The following PAX3 variants were observed in gnomAD, a reference collection of about 807,000 sequenced individuals.
PAX3 encodes paired box protein Pax-3.
Under a neutral mutation model 51.6 loss-of-function variants are expected in PAX3, and 14 were observed. The ratio of observed to expected loss-of-function variants is 0.27; its 90% confidence interval spans 0.18 to 0.42. The LOEUF is 0.42. Among genes scored for constraint, PAX3 ranks in the 10% least tolerant of loss-of-function variants. The probability of loss-of-function intolerance (pLI) is 1.00; values close to 1 mark genes in which losing one functional copy is unlikely to be tolerated. For synonymous variants in PAX3, 280 were observed against 253.4 expected (o/e 1.11, Z -1.00); for missense variants, 540 against 642.8 (o/e 0.84, Z 1.73).
At chr2:222,215,460 C>T (rs915279753) in intron 7 of PAX3, among the ~76,000 whole-genome samples, 4 of 151,890 alleles carry the variant, frequency 2.6e-5, no homozygotes, top group African/African-American at 9.7e-5. Context: ...GAAACTGTTA[C>T]CAAAGAACTG....
chr2:222,238,910 G>T (rs1237393276), intron 4 of PAX3, among the ~76,000 whole-genome samples: 1 of 152,160 alleles, frequency 6.6e-6, no homozygotes, highest in Non-Finnish European at 1.5e-5. Flanking sequence ...ATTGCAGAAG[G>T]TCTCCTGCGC....
At chr2:222,278,069 C>G (rs1446666637) in intron 4 of PAX3, among the ~76,000 whole-genome samples, 1 of 151,592 alleles carries the variant, frequency 6.6e-6, no homozygotes, top group East Asian at 1.9e-4. Flanking sequence ...CCAAGGAGCC[C>G]AAAAGATTAG....
intron 4 of PAX3, among the ~76,000 whole-genome samples, chr2:222,259,752 G>T (rs1693773330): frequency 6.6e-6 from 1 of 152,160 alleles, no homozygotes; most frequent in Non-Finnish European, 1.5e-5. Context: ...AACAGACATA[G>T]ATAAGAATTT....
At chr2:222,214,685 T>C (rs1691882906) in intron 7 of PAX3, 1 of 152,036 alleles carries the variant, frequency 6.6e-6, no homozygotes, top group Non-Finnish European at 1.5e-5. Context: ...TGCTGAGTGG[T>C]GGGCAAACAT....
chr2:222,205,236 T>C (rs1175436150), intron 7 of PAX3, among the ~76,000 whole-genome samples: 1 of 152,158 alleles, frequency 6.6e-6, no homozygotes, highest in Non-Finnish European at 1.5e-5. Flanking sequence ...ATTAGGGCAA[T>C]AGAAAGATAG....
At chr2:222,260,561 T>TG in intron 4 of PAX3, among the ~76,000 whole-genome samples, 1 of 64,044 alleles carries the variant, frequency 1.6e-5, no homozygotes, top group African/African-American at 5.4e-5. Context: ...AGTTTTTTTT[T>TG]TTTGTTTTTT....
chr2:222,279,201 G>A (rs1046528617), intron 4 of PAX3, among the ~76,000 whole-genome samples: 11 of 152,262 alleles, frequency 7.2e-5, no homozygotes, highest in East Asian at 3.9e-4. Flanking sequence ...TGATCCGACC[G>A]CCTGGGCCTC....
intron 2 of PAX3, 119 bp downstream of exon 2, chr2:222,296,859 C>T: frequency 4.5e-6 from 4 of 886,834 alleles, no homozygotes; most frequent in Non-Finnish European, 7.2e-6. Context: ...CGCACCTTCA[C>T]AAACCTCAGA....
intron 4 of PAX3, among the ~76,000 whole-genome samples, chr2:222,274,738 A>G (rs1694361780): frequency 6.6e-6 from 1 of 152,200 alleles, no homozygotes; most frequent in Non-Finnish European, 1.5e-5. Context: ...AAATAAGTAG[A>G]GGAAATCAAT....
At chr2:222,232,675 C>T (rs972087744) in intron 4 of PAX3, among the ~76,000 whole-genome samples, 1 of 152,114 alleles carries the variant, frequency 6.6e-6, no homozygotes, top group Non-Finnish European at 1.5e-5. Flanking sequence ...ATGCTTACTA[C>T]TTAATGGGTG....
intron 4 of PAX3, among the ~76,000 whole-genome samples, chr2:222,278,137 T>C (rs1257161672): frequency 1.3e-5 from 2 of 152,130 alleles, no homozygotes; most frequent in Non-Finnish European, 2.9e-5. Context: ...CCAGATATCA[T>C]TGGTGGACTC....
At chr2:222,209,909 T>A (rs1421494977) in intron 7 of PAX3, among the ~76,000 whole-genome samples, 1 of 151,582 alleles carries the variant, frequency 6.6e-6, no homozygotes, top group Admixed American at 6.6e-5. Flanking sequence ...TTAAATTTAA[T>A]CAAATTAATG....
At chr2:222,211,201 G>T (rs1307215579) in intron 7 of PAX3, among the ~76,000 whole-genome samples, 2 of 152,080 alleles carry the variant, frequency 1.3e-5, no homozygotes, top group Non-Finnish European at 2.9e-5. Flanking sequence ...ATGAAACCCT[G>T]TTGCAATAGC....
chr2:222,268,169 C>T (rs144771871), intron 4 of PAX3, among the ~76,000 whole-genome samples: 1 of 152,172 alleles, frequency 6.6e-6, no homozygotes, highest in Admixed American at 6.5e-5. Context: ...TGAGCAGAGT[C>T]CTGGGGGCCT....
In PAX3 at chr2:222,297,092, G is replaced by C; in HGVS notation, c.207C>G (p.Pro69=). ...IVEMAHHGIR[P]CVISRQLRVS... is the part of the protein sequence containing the mutation. ...CGCGCAGCTGGCGCGAGATGACGCAGGGCCGGATGCCGTGGTGGGCCATCT... is the reference window on the plus strand; with the variant it reads ...CGCGCAGCTGGCGCGAGATGACGCACGGCCGGATGCCGTGGTGGGCCATCT... The change falls in exon 2 of 9, where the codon CCC becomes CCG. Residue 69 remains proline (P), a synonymous_variant. Transcript: ENST00000392070. The C allele has an allele frequency of 6.2e-7, 1 of 1,614,126 alleles. No individual in the cohort carries two copies. The highest frequency in any genetic ancestry group is 8.5e-7 in the Non-Finnish European group (1 of 1,180,004).
intron 4 of PAX3, among the ~76,000 whole-genome samples, chr2:222,279,423 A>C (rs1694556733): frequency 6.6e-6 from 1 of 151,938 alleles, no homozygotes; most frequent in Admixed American, 6.6e-5. Flanking sequence ...GACTGACTTC[A>C]CTCTTTTCAC....
intron 4 of PAX3, among the ~76,000 whole-genome samples, chr2:222,285,055 C>T (rs1694785325): frequency 6.6e-6 from 1 of 152,174 alleles, no homozygotes; most frequent in Non-Finnish European, 1.5e-5. Context: ...CATTCAATTG[C>T]TTTAGTGAAC....
intron 4 of PAX3, chr2:222,293,600 A>G: frequency 1.2e-6 from 2 of 1,606,190 alleles, no homozygotes; most frequent in Admixed American, 3.3e-5. Context: ...AAACCCCCTC[A>G]CATTTGAAAA....
At chr2:222,211,055 C>A (rs151027299) in intron 7 of PAX3, among the ~76,000 whole-genome samples, 5 of 151,934 alleles carry the variant, frequency 3.3e-5, no homozygotes, top group Non-Finnish European at 7.4e-5. Context: ...TTTGTAGAGA[C>A]GAGGTCTCAC....
Sources: gnomAD v4.1 joint callset for allele counts (sites outside exome capture counted in the v4.1 genomes callset) on GRCh38, gnomAD v4.1.1 for gene constraint, MANE v1.5 for transcripts, NCBI Gene and HGNC (gene_info 2026-07-23, HGNC 2026-07-21) for gene names.